Variants in ITFG1 observed in about 807,000 individuals in gnomAD.
ITFG1 encodes the protein T-cell immunomodulatory protein.
ITFG1 carries 34 observed loss-of-function variants against 81.8 expected under a neutral mutation model. The ratio of observed to expected loss-of-function variants is 0.42; its 90% confidence interval spans 0.32 to 0.55. ITFG1 has a LOEUF of 0.55. Among genes scored for constraint, ITFG1 ranks in the 20% least tolerant of loss-of-function variants. ITFG1 has a pLI of 0.17. For missense variants in ITFG1, 672 were observed against 755.4 expected (o/e 0.89, Z 1.29); for synonymous variants, 285 against 270.6 (o/e 1.05, Z -0.52).
intron 14 of ITFG1, 50 bp downstream of exon 14, chr16:47,218,818 T>C (rs770890497): frequency 2.7e-6 from 3 of 1,122,394 alleles, no homozygotes; most frequent in Admixed American, 2.4e-5. Context: ...CTTGCTAATA[T>C]ATTGACTGAA....
rs139878742 is a variant in ITFG1, at chr16:47,273,994, C to T, written c.1071-13299G>A. Among the ~76,000 whole-genome samples the T allele has an allele frequency of 1.2e-3, 183 of 152,222 alleles. 1 individual carries two copies. Among genetic ancestry groups the T allele is most frequent in the African/African-American group, 4.1e-3 (172 of 41,526 alleles). ...TTAATCGGCTGGGCGTGGTGGCTCA[C>T]GCCTGTATTCCCAGCACTTTGGGAG... is the stretch of plus-strand genomic sequence containing the variant. On this transcript the variant is annotated intron_variant, in intron 10 of 17. Transcript: ENST00000320640.
At chr16:47,216,012 G>A (rs569404573) in intron 14 of ITFG1, among the ~76,000 whole-genome samples, 92 of 152,072 alleles carry the variant, frequency 6.0e-4, no homozygotes, top group African/African-American at 2.1e-3. Context: ...GATATGATAA[G>A]AATAAATCTA....
intron 10 of ITFG1, among the ~76,000 whole-genome samples, chr16:47,303,444 T>C (rs146407107): frequency 4.6e-5 from 7 of 152,310 alleles, no homozygotes; most frequent in Non-Finnish European, 8.8e-5. Flanking sequence ...AAAACTCACA[T>C]ACACAACATT....
intron 10 of ITFG1, among the ~76,000 whole-genome samples, chr16:47,281,388 C>A (rs1231744995): frequency 1.3e-5 from 2 of 152,100 alleles, no homozygotes; most frequent in African/African-American, 4.8e-5. Flanking sequence ...TTAACATCAG[C>A]CTCCTAAATT....
chr16:47,280,755 ATCG>A (rs1966442581), intron 10 of ITFG1, among the ~76,000 whole-genome samples: 1 of 152,154 alleles, frequency 6.6e-6, no homozygotes, highest in Non-Finnish European at 1.5e-5. Context: ...TCACCCCCTA[ATCG>A]TCCCAGAAAA....
chr16:47,395,562 T>C (rs1331614449), intron 6 of ITFG1, among the ~76,000 whole-genome samples: 1 of 152,200 alleles, frequency 6.6e-6, no homozygotes, highest in African/African-American at 2.4e-5. Context: ...TCAGAACAAA[T>C]CTGTCAATTA....
intron 13 of ITFG1, among the ~76,000 whole-genome samples, chr16:47,223,904 T>C (rs1185500273): frequency 6.6e-6 from 1 of 152,138 alleles, no homozygotes; most frequent in Non-Finnish European, 1.5e-5. Context: ...GATGAGTTCA[T>C]GTCCTTTGTA....
intron 6 of ITFG1, among the ~76,000 whole-genome samples, chr16:47,425,396 GT>G (rs935164800): frequency 6.6e-6 from 1 of 152,132 alleles, no homozygotes; most frequent in Non-Finnish European, 1.5e-5. Context: ...ACCCCCTGCA[GT>G]TCCTGGGTAA....
chr16:47,192,150 T>C (rs1965300825), intron 14 of ITFG1, among the ~76,000 whole-genome samples: 1 of 152,240 alleles, frequency 6.6e-6, no homozygotes, highest in Non-Finnish European at 1.5e-5. Flanking sequence ...TTCTTCTACT[T>C]GCTTTATCCA....
chr16:47,211,992 C>G (rs371095491), intron 14 of ITFG1, among the ~76,000 whole-genome samples: 1 of 151,510 alleles, frequency 6.6e-6, no homozygotes, highest in African/African-American at 2.4e-5. Flanking sequence ...AATTCCTAGG[C>G]TCAAGTGATT....
At chr16:47,452,516 C>T (rs961907502) in intron 4 of ITFG1, among the ~76,000 whole-genome samples, 14 of 151,976 alleles carry the variant, frequency 9.2e-5, no homozygotes, top group East Asian at 1.9e-4. Flanking sequence ...ACATTTGAAG[C>T]GACTGAAATA....
chr16:47,397,760 A>G (rs1329501259), intron 6 of ITFG1, among the ~76,000 whole-genome samples: 1 of 152,204 alleles, frequency 6.6e-6, no homozygotes, highest in African/African-American at 2.4e-5. Context: ...ACTAGAGGAA[A>G]CTGGGAAAAG....
At chr16:47,443,737 G>A (rs73547271) in intron 5 of ITFG1, among the ~76,000 whole-genome samples, 14 of 151,964 alleles carry the variant, frequency 9.2e-5, no homozygotes, top group African/African-American at 3.4e-4. Flanking sequence ...ATCACATACC[G>A]GGGACTGCTT....
At chr16:47,239,584 A>G (rs1200959284) in intron 12 of ITFG1, among the ~76,000 whole-genome samples, 1 of 152,192 alleles carries the variant, frequency 6.6e-6, no homozygotes, top group Non-Finnish European at 1.5e-5. Context: ...TAAACATGAT[A>G]TATTTCATCA....
intron 14 of ITFG1, among the ~76,000 whole-genome samples, chr16:47,163,397 T>G (rs1404731519): frequency 6.6e-6 from 1 of 152,258 alleles, no homozygotes; most frequent in East Asian, 1.9e-4. Flanking sequence ...TCATACAATG[T>G]GGTCTTTTGT....
At chr16:47,422,161 T>C (rs1295213969) in intron 6 of ITFG1, among the ~76,000 whole-genome samples, 14 of 152,198 alleles carry the variant, frequency 9.2e-5, no homozygotes, top group Admixed American at 5.9e-4. Context: ...GTCTTTATAG[T>C]AGCATGATTT....
chr16:47,194,679 T>A (rs2151518598), intron 14 of ITFG1, among the ~76,000 whole-genome samples: 1 of 152,238 alleles, frequency 6.6e-6, no homozygotes, highest in Non-Finnish European at 1.5e-5. Context: ...ATTTGGTAGA[T>A]GTTCAAAAAT....
In ITFG1 at chr16:47,311,319, G is replaced by C. The variant is rs1967256877; in HGVS notation, c.991C>G (p.Pro331Ala). ...DEQQPTEIPIPITLHIGDYNM... is the reference protein window; with the variant it reads ...DEQQPTEIPIAITLHIGDYNM... ...TAGTCTCCAATATGAAGGGTAATTG[G>C]AATTGGTATTTCAGTTGGTTGCTGT... The change falls in exon 10 of 18, where the codon CCA becomes GCA. Residue 331 changes from proline to alanine, a missense_variant. Transcript: ENST00000320640. The C allele has an allele frequency of 2.5e-6, 4 of 1,613,162 alleles. No homozygotes were observed. The East Asian group carries it at 8.9e-5, about 36-fold the overall frequency.
At chr16:47,370,603 C>A (rs186259522) in intron 7 of ITFG1, among the ~76,000 whole-genome samples, 2 of 152,224 alleles carry the variant, frequency 1.3e-5, no homozygotes, top group Non-Finnish European at 2.9e-5. Flanking sequence ...CAAACGCTGG[C>A]GCCTAAGTCA....
Sources: allele counts gnomAD v4.1 joint callset (sites outside exome capture counted in the v4.1 genomes callset), GRCh38; gene constraint gnomAD v4.1.1; transcripts MANE v1.5; gene names NCBI Gene and HGNC (gene_info 2026-07-23, HGNC 2026-07-21).